ASPRV1: variants seen among roughly 807,000 people sequenced by gnomAD.
ASPRV1 encodes the protein retroviral-like aspartic protease 1.
In ASPRV1, 7 loss-of-function variants were observed where a neutral mutation model predicts 11.0. That is an observed-to-expected ratio of 0.64 (90% confidence interval 0.36 to 1.20). ASPRV1 has a LOEUF of 1.20. Among genes scored for constraint, ASPRV1 ranks in the 50% most tolerant of loss-of-function variants. ASPRV1 has a pLI of 0.02. For missense variants in ASPRV1, 299 were observed against 320.0 expected (o/e 0.93, Z 0.50); for synonymous variants, 136 against 138.4 (o/e 0.98, Z 0.12).
At chr2:69,988,894 A>ATC in the ASPRV1 span, 1 of 445,648 alleles carries the variant, frequency 2.2e-6, no homozygotes, top group Non-Finnish European at 4.6e-6. Context: ...GTTCCCCTCA[A>ATC]TCTCTGTACC....
At chr2:69,955,308 C>G (rs1413256316), downstream of ASPRV1, among the ~76,000 whole-genome samples, 1 of 152,214 alleles carries the variant, frequency 6.6e-6, no homozygotes. Flanking sequence ...CTCCAGCTGC[C>G]CTCTTGATGG....
the ASPRV1 span, chr2:70,049,144 C>T: frequency 6.7e-6 from 1 of 148,514 alleles, no homozygotes; most frequent in Admixed American, 6.8e-5. Context: ...CCCATTAACT[C>T]GTCATTTAGC....
chr2:69,966,981 T>C, the ASPRV1 span, among the ~76,000 whole-genome samples: 1 of 152,146 alleles, frequency 6.6e-6, no homozygotes, highest in African/African-American at 2.4e-5. Context: ...CCCTTACATG[T>C]ATAGAAATCT....
chr2:69,951,483 G>GTGTGTGTGTA, the ASPRV1 span, among the ~76,000 whole-genome samples: 3 of 86,902 alleles, frequency 3.5e-5, no homozygotes, highest in African/African-American at 1.7e-4. Flanking sequence ...GTGTGTGTGT[G>GTGTGTGTGTA]TATATCTATA....
At chr2:69,991,375 G>A in the ASPRV1 span, among the ~76,000 whole-genome samples, 1 of 152,152 alleles carries the variant, frequency 6.6e-6, no homozygotes, top group Non-Finnish European at 1.5e-5. Flanking sequence ...GTATTTGAAC[G>A]AATCATTTTA....
chr2:69,996,791 G>A, the ASPRV1 span: 11 of 454,960 alleles, frequency 2.4e-5, no homozygotes, highest in Non-Finnish European at 4.0e-5. Context: ...CAGGGATGTC[G>A]GACGGTCAGA....
chr2:69,933,221 A>C, the ASPRV1 span, among the ~76,000 whole-genome samples: 27 of 136,732 alleles, frequency 2.0e-4, no homozygotes, highest in African/African-American at 6.6e-4. Flanking sequence ...AAAAAAAAAA[A>C]AAACAAAAAA....
the ASPRV1 span, among the ~76,000 whole-genome samples, chr2:69,998,585 C>T: frequency 1.3e-5 from 2 of 151,990 alleles, no homozygotes; most frequent in Admixed American, 1.3e-4. Context: ...AAAAATTAGC[C>T]GGGCACGGTG....
the ASPRV1 span, among the ~76,000 whole-genome samples, chr2:70,085,155 GGGGTGGGGGAGGCAAGAGTCA>G: frequency 6.6e-6 from 1 of 152,186 alleles, no homozygotes; most frequent in Non-Finnish European, 1.5e-5. Flanking sequence ...TTGGGGTGCT[GGGGTGGGGGAGGCAAGAGTCA>G]AGCCCATGGG....
downstream of ASPRV1, among the ~76,000 whole-genome samples, chr2:69,959,825 G>A (rs1678023162): frequency 6.6e-6 from 1 of 152,182 alleles, no homozygotes; most frequent in African/African-American, 2.4e-5. Flanking sequence ...TCACTTTTGG[G>A]TATAGAGGCA....
At chr2:70,060,993 GACAA>G in the ASPRV1 span, among the ~76,000 whole-genome samples, 2 of 152,168 alleles carry the variant, frequency 1.3e-5, no homozygotes, top group East Asian at 3.9e-4. Flanking sequence ...AGGAGAGAAA[GACAA>G]ACAGTTAAGT....
chr2:69,961,257 T>C lies in ASPRV1; in HGVS notation c.180A>G (p.Gly60=). The C allele has an allele frequency of 6.2e-7, 1 of 1,614,128 alleles. No homozygotes were observed. Among genetic ancestry groups the C allele is most frequent in the Non-Finnish European group, 8.5e-7 (1 of 1,180,000 alleles). The change falls in exon 1 of 1, where the codon GGA becomes GGG. Residue 60 remains glycine, a synonymous_variant. Coordinates refer to ENST00000320256, the MANE Select transcript of ASPRV1 (RefSeq NM_152792.4). The part of the protein sequence containing the change: ...KLRFLKESLR[G]EALGVYNRLS... Reference sequence around the variant, plus strand: ...GCCTATTGTAGACACCCAGGGCCTCTCCTCTGAGGGACTCTTTCAGGAACC... The same window carrying C: ...GCCTATTGTAGACACCCAGGGCCTCCCCTCTGAGGGACTCTTTCAGGAACC...
the ASPRV1 span, among the ~76,000 whole-genome samples, chr2:69,974,299 T>C: frequency 6.6e-6 from 1 of 151,222 alleles, no homozygotes; most frequent in Non-Finnish European, 1.5e-5. Context: ...ATCGTGCCAT[T>C]GCACTCCAGC....
rs772026791 is a variant in ASPRV1 at position 69,960,669 on chromosome 2, C to T, written c.768G>A (p.Glu256=). Residue 256 remains glutamate, a synonymous_variant, in exon 1 of 1, where the codon GAG becomes GAA. Coordinates refer to ENST00000320256, the MANE Select transcript of ASPRV1 (RefSeq NM_152792.4). ...AAAAGGTGGCTTCTCAGTGGGATAGCTCCTGCCGCCCTTCTTCTGAGGAGG... is the reference window on the plus strand; with the variant it reads ...AAAAGGTGGCTTCTCAGTGGGATAGTTCCTGCCGCCCTTCTTCTGAGGAGG... ...EDPSSEEGRQ[E]LSH 6 of 1,611,972 alleles carry T rather than the reference C, an allele frequency of 3.7e-6. No individual in the cohort carries two copies. In the South Asian group the frequency reaches 6.6e-5, roughly 18 times the overall value.
the ASPRV1 span, chr2:70,070,823 C>CA: frequency 2.0e-5 from 3 of 149,664 alleles, no homozygotes; most frequent in Non-Finnish European, 4.4e-5. Context: ...ATGTCCCAGG[C>CA]AATTAACATT....
At chr2:69,981,573 T>G in the ASPRV1 span, among the ~76,000 whole-genome samples, 2 of 152,350 alleles carry the variant, frequency 1.3e-5, no homozygotes, top group East Asian at 3.9e-4. Flanking sequence ...TTTGTTTGTT[T>G]TGGGATGGAG....
rs1678081576 is a variant in ASPRV1, at chr2:69,961,119, G to A, written c.318C>T (p.Asn106=). 1.2e-6 allele frequency: 2 copies of A among 1,613,836 alleles called. No individual in the cohort carries two copies. The highest frequency in any genetic ancestry group is 2.7e-5 in the African/African-American group (2 of 74,882). ...SHLPKEIVFA[N]SMGKGYYLKG... ...TGAGATAGTAGCCCTTACCCATGCT[G>A]TTGGCAAAGACGATCTCTTTGGGCA... Residue 106 remains asparagine, a synonymous_variant, in exon 1 of 1, where the codon AAC becomes AAT. Transcript: ENST00000320256.
At chr2:70,028,923 CAGAG>C in the ASPRV1 span, among the ~76,000 whole-genome samples, 1 of 151,724 alleles carries the variant, frequency 6.6e-6, no homozygotes, top group Non-Finnish European at 1.5e-5. Flanking sequence ...GCCTGGGCGA[CAGAG>C]AGACTCCGTC....
At chr2:70,058,849 G>A in the ASPRV1 span, among the ~76,000 whole-genome samples, 1 of 148,752 alleles carries the variant, frequency 6.7e-6, no homozygotes, top group Non-Finnish European at 1.5e-5. Flanking sequence ...TACGCACCTG[G>A]CCAGAAATTT....
Sources: allele counts gnomAD v4.1 joint callset (sites outside exome capture counted in the v4.1 genomes callset), GRCh38; gene constraint gnomAD v4.1.1; transcripts MANE v1.5; gene names NCBI Gene and HGNC (gene_info 2026-07-23, HGNC 2026-07-21).